Variants in RASGEF1C observed in about 807,000 individuals in gnomAD.
RASGEF1C encodes the protein RasGEF domain family member 1C.
Under a neutral mutation model 58.1 loss-of-function variants are expected in RASGEF1C, and 27 were observed. The observed-to-expected ratio is 0.46, with a 90% CI of 0.34 to 0.64. The LOEUF (loss-of-function observed/expected upper bound fraction) is 0.64, where lower values mean the gene tolerates loss of function less well. Among genes scored for constraint, RASGEF1C ranks in the 30% least tolerant of loss-of-function variants. RASGEF1C has a pLI of 0.01. For synonymous variants in RASGEF1C, 243 were observed against 246.3 expected (o/e 0.99, Z 0.13); for missense variants, 502 against 605.1 (o/e 0.83, Z 1.79).
At chr5:180,123,344 C>T (rs571922954) in intron 6 of RASGEF1C, among the ~76,000 whole-genome samples, 82 of 152,160 alleles carry the variant, frequency 5.4e-4, no homozygotes, top group Non-Finnish European at 1.6e-4. Context: ...AAAAGAAAAA[C>T]AAAACGCAAC....
intron 10 of RASGEF1C, among the ~76,000 whole-genome samples, chr5:180,115,668 G>A (rs10903247): frequency 0.83 from 126,012 of 152,170 alleles, 52,492 homozygotes; most frequent in South Asian, 0.93. Flanking sequence ...TATATACAGG[G>A]TTACTTTCCA....
At chr5:180,103,270 G>A (rs902474346) in intron 12 of RASGEF1C, among the ~76,000 whole-genome samples, 16 of 152,232 alleles carry the variant, frequency 1.1e-4, no homozygotes, top group African/African-American at 1.2e-4. Context: ...GTAGAGATGG[G>A]GTTTCACCGT....
rs560997678 is a variant in RASGEF1C at position 180,109,414 on chromosome 5, C to A, written c.1303+2043G>T. On this transcript the variant is annotated intron_variant, in intron 12 of 13. Transcript: ENST00000361132. Reference sequence around the variant, plus strand: ...CGGAGCTTGCAGTGAGCCGAGATTGCGCCACTGCACTCCAGCCTGGGTGAC... The same window carrying A: ...CGGAGCTTGCAGTGAGCCGAGATTGAGCCACTGCACTCCAGCCTGGGTGAC... 2.0e-5 allele frequency among the ~76,000 whole-genome samples: 3 copies of A among 152,140 alleles called. 1 individual carries two copies. Among genetic ancestry groups the A allele is most frequent in the Middle Eastern group, 6.8e-3 (2 of 294 alleles).
chr5:180,141,982 A>G (rs924759974), intron 1 of RASGEF1C, among the ~76,000 whole-genome samples: 2 of 152,134 alleles, frequency 1.3e-5, no homozygotes, highest in African/African-American at 4.8e-5. Context: ...TGATGGGACA[A>G]TTGTTTATTG....
rs1251320255 is a variant in RASGEF1C, at chr5:180,119,212, C to G, written c.907+134G>C. On this transcript the variant is annotated intron_variant, in intron 8 of 13. Coordinates refer to ENST00000361132, the MANE Select transcript of RASGEF1C (RefSeq NM_175062.4). Reference sequence around the variant, plus strand: ...GGGGACATGGGGCTGCCCAGGCCTTCAGAGAGCCCGGCCCACGCCCTCCCG... The same window carrying G: ...GGGGACATGGGGCTGCCCAGGCCTTGAGAGAGCCCGGCCCACGCCCTCCCG... The G allele has an allele frequency of 2.0e-5, 16 of 784,404 alleles. No individual in the cohort carries two copies. The Admixed American group carries it at 3.3e-4, about 16-fold the overall frequency. 48.6% of individuals were successfully genotyped at this position (784,404 alleles called of 1,614,324 possible).
intron 1 of RASGEF1C, among the ~76,000 whole-genome samples, chr5:180,200,848 G>A (rs898320140): frequency 6.6e-6 from 1 of 152,158 alleles, no homozygotes; most frequent in African/African-American, 2.4e-5. Flanking sequence ...ACCGGCTCCA[G>A]GGCCCACGCT....
chr5:180,188,926 G>A (rs1271505055), intron 1 of RASGEF1C, among the ~76,000 whole-genome samples: 4 of 152,176 alleles, frequency 2.6e-5, no homozygotes, highest in Non-Finnish European at 5.9e-5. Flanking sequence ...AACACTGTAC[G>A]GGAGGTTCAG....
chr5:180,202,153 T>C (rs1429540318), intron 1 of RASGEF1C, among the ~76,000 whole-genome samples: 2 of 152,062 alleles, frequency 1.3e-5, no homozygotes, highest in East Asian at 1.9e-4. Flanking sequence ...AGAAAATCTC[T>C]TAGGGAGAAC....
intron 12 of RASGEF1C, among the ~76,000 whole-genome samples, chr5:180,107,016 T>C (rs1355993904): frequency 1.3e-5 from 2 of 152,204 alleles, no homozygotes; most frequent in African/African-American, 2.4e-5. Context: ...CTGTATAATG[T>C]CCTTCTTTGT....
chr5:180,144,924 C>T (rs948097961), intron 1 of RASGEF1C, among the ~76,000 whole-genome samples: 12 of 152,228 alleles, frequency 7.9e-5, no homozygotes, highest in Admixed American at 5.2e-4. Flanking sequence ...CAGTGACTGG[C>T]GTATTTCATT....
At chr5:180,140,865 G>C (rs2113282077) in intron 1 of RASGEF1C, among the ~76,000 whole-genome samples, 1 of 152,310 alleles carries the variant, frequency 6.6e-6, no homozygotes, top group South Asian at 2.1e-4. Context: ...CGGAGCGGGG[G>C]GCAACGTGGT....
chr5:180,179,711 C>T lies in RASGEF1C; in HGVS notation c.-7+29317G>A, dbSNP rs147328714. Among the ~76,000 whole-genome samples the T allele has an allele frequency of 1.9e-4, 29 of 152,290 alleles. No individual in the cohort carries two copies. The East Asian group carries it at 4.6e-3, about 24-fold the overall frequency. The stretch of plus-strand genomic sequence containing the variant: ...CATTCAAGGAATACTGAAAGGAACC[C>T]TGAGGAAGAAGCTCTGAGCTACTGA... On this transcript the variant is annotated intron_variant, in intron 1 of 13. Coordinates refer to ENST00000361132, the MANE Select transcript of RASGEF1C (RefSeq NM_175062.4).
intron 6 of RASGEF1C, among the ~76,000 whole-genome samples, chr5:180,125,105 C>A (rs1283469671): frequency 6.6e-6 from 1 of 152,080 alleles, no homozygotes; most frequent in Non-Finnish European, 1.5e-5. Flanking sequence ...TGTACTCCAG[C>A]CTGGGAAAAA....
chr5:180,114,980 A>G (rs2113247290), intron 10 of RASGEF1C, among the ~76,000 whole-genome samples: 1 of 152,086 alleles, frequency 6.6e-6, no homozygotes. Flanking sequence ...TTGAAGACAC[A>G]TGGAATAGAT....
At chr5:180,141,160 C>T (rs998799119) in intron 1 of RASGEF1C, among the ~76,000 whole-genome samples, 2 of 152,250 alleles carry the variant, frequency 1.3e-5, no homozygotes, top group Admixed American at 6.5e-5. Context: ...ACTGTCCACA[C>T]TCCCCCGCAC....
chr5:180,114,704 C>T (rs1009504433), intron 10 of RASGEF1C, among the ~76,000 whole-genome samples, 163 bp from the exon 11 acceptor site: 2 of 152,210 alleles, frequency 1.3e-5, no homozygotes, highest in African/African-American at 4.8e-5. Context: ...GGCCTTGGGA[C>T]TTCACGGGTT....
rs1766128246 is a variant in RASGEF1C, at chr5:180,119,361, G to T, written c.892C>A (p.Leu298Ile). 6.2e-7 allele frequency: 1 copy of T among 1,613,936 alleles called. No homozygotes were observed. Among genetic ancestry groups the T allele is most frequent in the Non-Finnish European group, 8.5e-7 (1 of 1,179,774 alleles). The change falls in exon 8 of 14, where the codon CTC (leucine) becomes ATC (isoleucine). Residue 298 changes from leucine to isoleucine, a missense_variant. By Grantham distance (5) the Leu-to-Ile change is conservative (BLOSUM62 2). Transcript: ENST00000361132. ...ECFNIGNFNS[L>I]MAIISGMNMS... ...GCCCACTCACAGATGATGGCCATGA[G>T]GGAGTTGAAGTTGCCGATGTTGAAG...
Position 180,143,275 on chromosome 5 carries a change from G to T in RASGEF1C, c.-6-5217C>A, listed in dbSNP as rs566523913. ...CACTGACAGGCTCAGGGCCCACCCTGCTCCAGGCCGCTGGCGCTGGCAAAG... is the reference window on the plus strand; with the variant it reads ...CACTGACAGGCTCAGGGCCCACCCTTCTCCAGGCCGCTGGCGCTGGCAAAG... On this transcript the variant is annotated intron_variant, in intron 1 of 13. Transcript: ENST00000361132. This position sits in a 1 kb window ranked among gnomAD's most constrained non-coding sequence, Gnocchi z 4.3. Among the ~76,000 whole-genome samples the T allele has an allele frequency of 5.6e-4, 85 of 152,336 alleles. No homozygotes were observed. The highest frequency in any genetic ancestry group is 3.4e-3 in the Middle Eastern group (1 of 294).
intron 1 of RASGEF1C, among the ~76,000 whole-genome samples, chr5:180,175,912 C>T (rs1344276608): frequency 2.6e-5 from 4 of 152,316 alleles, no homozygotes; most frequent in East Asian, 1.9e-4. Context: ...GGCGTGAACC[C>T]GGAAGGCAGA....
Sources: allele counts gnomAD v4.1 joint callset (sites outside exome capture counted in the v4.1 genomes callset), GRCh38; gene constraint gnomAD v4.1.1; non-coding constraint Gnocchi (gnomAD v3.1); transcripts MANE v1.5; gene names NCBI Gene and HGNC (gene_info 2026-07-23, HGNC 2026-07-21).